NPPB: variants seen among roughly 807,000 people sequenced by gnomAD.
The protein encoded by NPPB is natriuretic peptides B.
In NPPB, 13 loss-of-function variants were observed where a neutral mutation model predicts 12.7. The observed-to-expected ratio is 1.03, with a 90% CI of 0.67 to 1.63. The LOEUF is 1.63. Among genes scored for constraint, NPPB ranks in the 40% most tolerant of loss-of-function variants. The probability of loss-of-function intolerance (pLI) is 0.00; values close to 1 mark genes in which losing one functional copy is unlikely to be tolerated. For missense variants in NPPB, 184 were observed against 172.9 expected, an observed-to-expected ratio of 1.06 and a Z score of -0.36; for synonymous variants, 66 against 74.7, an observed-to-expected ratio of 0.88 and a Z score of 0.60.
At chr1:11,858,572 C>T in intron 1 of NPPB, 103 bp from the exon 2 acceptor site, 1 of 1,578,464 alleles carries the variant, frequency 6.3e-7, no homozygotes, top group Non-Finnish European at 8.6e-7. Flanking sequence ...AGGGTCAGGG[C>T]ACCCAGTCTC....
chr1:11,857,921 C>G (rs1645130914), intron 2 of NPPB, among the ~76,000 whole-genome samples: 1 of 152,212 alleles, frequency 6.6e-6, no homozygotes, highest in African/African-American at 2.4e-5. Context: ...TCTCTTTCTG[C>G]ACCACTGGGG....
chr1:11,858,888 G>T lies in NPPB; in HGVS notation c.-55C>A. On this transcript the variant is annotated 5_prime_UTR_variant, in exon 1 of 3. Transcript: ENST00000376468. ...TGCTGCTTCTGCTGCTGCTGCTGCT[G>T]CTGCGATGCGTCCGGGTTTGCTTCC... The T allele has an allele frequency of 6.2e-7, 1 of 1,607,396 alleles. No homozygotes were observed. Among genetic ancestry groups the T allele is most frequent in the African/African-American group, 1.3e-5 (1 of 74,916 alleles).
chr1:11,858,802 A>T lies in NPPB; in HGVS notation c.32T>A (p.Leu11His). 5.0e-6 allele frequency: 8 copies of T among 1,614,096 alleles called. No individual in the cohort carries two copies. Among genetic ancestry groups the T allele is most frequent in the Non-Finnish European group, 5.9e-6 (7 of 1,179,992 alleles). Residue 11 changes from leucine (L) to histidine (H), a missense_variant, in exon 1 of 3, where the codon CTC (leucine) becomes CAC (histidine). Coordinates refer to ENST00000376468, the MANE Select transcript of NPPB (RefSeq NM_002521.3). Reference sequence around the variant, plus strand: ...CAGATGCAAGAAGAGCAGGAGCAGGAGCGCCCGGGAAGGTGCTGTCTGGGG... The same window carrying T: ...CAGATGCAAGAAGAGCAGGAGCAGGTGCGCCCGGGAAGGTGCTGTCTGGGG... MDPQTAPSRA[L>H]LLLLFLHLAF...
intron 2 of NPPB, 132 bp downstream of exon 2, chr1:11,858,082 C>T: frequency 1.1e-6 from 1 of 885,592 alleles, no homozygotes; most frequent in Non-Finnish European, 1.7e-6. Context: ...AGGCTGTTAA[C>T]AAGAGGAAGC....
intron 2 of NPPB, among the ~76,000 whole-genome samples, chr1:11,857,952 A>AC (rs1460351826): frequency 6.6e-6 from 1 of 152,046 alleles, no homozygotes; most frequent in East Asian, 1.9e-4. Flanking sequence ...TGATAAACAG[A>AC]CCCCCAAAGG....
rs1433982856 is a variant in NPPB, at chr1:11,858,244, T to C, written c.358A>G (p.Ile120Val). Residue 120 changes from isoleucine to valine, a missense_variant, in exon 2 of 3, where the codon ATC becomes GTC. Physicochemically the swap from Ile to Val is conservative, Grantham distance 29. Transcript: ENST00000376468. ...CAGCCCAGGCCACTGGAGGAGCTGA[T>C]CCGGTCCATCTTCCTCCCAAAGCAG... ...SGCFGRKMDRISSSSGLGCKV... is the reference protein window; with the variant it reads ...SGCFGRKMDRVSSSSGLGCKV... The C allele has an allele frequency of 6.2e-7, 1 of 1,612,842 alleles. No homozygotes were observed. The highest frequency in any genetic ancestry group is 8.5e-7 in the Non-Finnish European group (1 of 1,179,222).
In NPPB at chr1:11,858,808, C is replaced by G; in HGVS notation, c.26G>C (p.Arg9Pro). 6.2e-7 allele frequency: 1 copy of G among 1,614,150 alleles called. No individual in the cohort carries two copies. Reference protein sequence around the residue: MDPQTAPSRALLLLLFLHL... With the variant: MDPQTAPSPALLLLLFLHL... The stretch of plus-strand genomic sequence containing the variant: ...CAAGAAGAGCAGGAGCAGGAGCGCC[C>G]GGGAAGGTGCTGTCTGGGGATCCAT... The change falls in exon 1 of 3, where the codon CGG becomes CCG. Residue 9 changes from arginine (R) to proline (P), a missense_variant. Coordinates refer to ENST00000376468, the MANE Select transcript of NPPB (RefSeq NM_002521.3).
rs371722685 is a variant in NPPB at position 11,858,452 on chromosome 1, C to A, written c.150G>T (p.Leu50Phe). 3.8e-5 allele frequency: 59 copies of A among 1,542,348 alleles called. No individual in the cohort carries two copies. The highest frequency in any genetic ancestry group is 4.8e-5 in the Non-Finnish European group (55 of 1,144,296). Residue 50 changes from leucine (L) to phenylalanine (F), a missense_variant, in exon 2 of 3, where the codon TTG (leucine) becomes TTT (phenylalanine). By Grantham distance (22) the Leu-to-Phe change is conservative. Coordinates refer to ENST00000376468, the MANE Select transcript of NPPB (RefSeq NM_002521.3). ...CCTGCAGCTCCGACAGTTTGCCCTG[C>A]AAATGGTTGCGCTGCTCCTGCAATG... The part of the protein sequence containing the change: ...TSGLQEQRNH[L>F]QGKLSELQVE...
Sources: allele counts gnomAD v4.1 joint callset (sites outside exome capture counted in the v4.1 genomes callset), GRCh38; gene constraint gnomAD v4.1.1; transcripts MANE v1.5; gene names NCBI Gene and HGNC (gene_info 2026-07-23, HGNC 2026-07-21).